The following SPIDR variants were observed in gnomAD, a reference collection of about 807,000 sequenced individuals.
SPIDR encodes DNA repair-scaffolding protein.
In SPIDR, 93 loss-of-function variants were observed where a neutral mutation model predicts 104.6. The observed-to-expected ratio is 0.89, with a 90% CI of 0.75 to 1.06. The LOEUF (loss-of-function observed/expected upper bound fraction) is 1.06, where lower values mean the gene tolerates loss of function less well. Among genes scored for constraint, SPIDR ranks in the 50% least tolerant of loss-of-function variants. SPIDR has a pLI of 0.00. For synonymous variants in SPIDR, 431 were observed against 416.9 expected (o/e 1.03, Z -0.41); for missense variants, 1,154 against 1,111.2 (o/e 1.04, Z -0.55).
intron 5 of SPIDR, among the ~76,000 whole-genome samples, chr8:47,321,046 C>T (rs1303012329): frequency 6.6e-6 from 1 of 152,172 alleles, no homozygotes; most frequent in Admixed American, 6.5e-5. Flanking sequence ...GACAGGGATG[C>T]CCTCTCTCAC....
At chr8:47,653,994 G>C in intron 10 of SPIDR, 1 of 1,273,568 alleles carries the variant, frequency 7.9e-7, no homozygotes, top group Admixed American at 2.3e-5. Flanking sequence ...TAGATGAGTG[G>C]GAGTGGCAAG....
At chr8:47,503,560 A>C (rs1053691272) in intron 8 of SPIDR, among the ~76,000 whole-genome samples, 7 of 152,204 alleles carry the variant, frequency 4.6e-5, no homozygotes, top group African/African-American at 1.7e-4. Context: ...TCCTCAATAC[A>C]GCACACTGAT....
intron 10 of SPIDR, among the ~76,000 whole-genome samples, chr8:47,662,377 C>G (rs1035852761): frequency 2.0e-5 from 3 of 152,170 alleles, no homozygotes; most frequent in African/African-American, 7.2e-5. Context: ...TATGTAAAGT[C>G]TTCCAGTTCT....
intron 8 of SPIDR, among the ~76,000 whole-genome samples, chr8:47,455,705 A>T (rs949920798): frequency 6.6e-6 from 1 of 152,220 alleles, no homozygotes; most frequent in African/African-American, 2.4e-5. Context: ...AGGGGTGACT[A>T]TATTATTATC....
intron 5 of SPIDR, among the ~76,000 whole-genome samples, chr8:47,385,522 A>G (rs1268181157): frequency 6.6e-6 from 1 of 152,232 alleles, no homozygotes; most frequent in Non-Finnish European, 1.5e-5. Flanking sequence ...AAAAGTATTT[A>G]CATTTTAAGT....
intron 4 of SPIDR, among the ~76,000 whole-genome samples, chr8:47,292,947 C>T (rs1391777609): frequency 2.0e-5 from 3 of 152,032 alleles, no homozygotes; most frequent in Non-Finnish European, 2.9e-5. Context: ...TCTGAGGGCA[C>T]TTGTGTTTTT....
chr8:47,488,269 C>A lies in SPIDR; in HGVS notation c.1097+47727C>A, dbSNP rs1308822367. Among the ~76,000 whole-genome samples the A allele has an allele frequency of 3.3e-5, 5 of 152,162 alleles. No homozygotes were observed. In the East Asian group the frequency reaches 9.6e-4, roughly 29 times the overall value. On this transcript the variant is annotated intron_variant, in intron 8 of 19. Coordinates refer to ENST00000297423, the MANE Select transcript of SPIDR (RefSeq NM_001080394.4). ...AAATCTAGAAGAAATGGATAAATTC[C>A]TGGACACATACACCCTTCCAAGACT... is the stretch of plus-strand genomic sequence containing the variant.
intron 7 of SPIDR, among the ~76,000 whole-genome samples, chr8:47,421,951 A>C (rs565203490): frequency 6.6e-6 from 1 of 152,184 alleles, no homozygotes; most frequent in African/African-American, 2.4e-5. Flanking sequence ...CAAATGTTGC[A>C]GCCTGATTGT....
At chr8:47,561,037 G>A (rs2057002745) in intron 8 of SPIDR, among the ~76,000 whole-genome samples, 1 of 152,188 alleles carries the variant, frequency 6.6e-6, no homozygotes. Context: ...CAAACTTGTG[G>A]TAATAATAGC....
intron 8 of SPIDR, among the ~76,000 whole-genome samples, chr8:47,512,737 G>T (rs1348969134): frequency 1.3e-5 from 2 of 152,212 alleles, no homozygotes; most frequent in Non-Finnish European, 2.9e-5. Flanking sequence ...GAAAAAAAGA[G>T]AGGAGGAAAA....
At chr8:47,531,048 C>T (rs920959417) in intron 8 of SPIDR, among the ~76,000 whole-genome samples, 1 of 152,074 alleles carries the variant, frequency 6.6e-6, no homozygotes, top group African/African-American at 2.4e-5. Flanking sequence ...GTAGTTAGGA[C>T]TCCAGGCATG....
At chr8:47,517,783 T>G (rs2083388354) in intron 8 of SPIDR, among the ~76,000 whole-genome samples, 1 of 152,230 alleles carries the variant, frequency 6.6e-6, no homozygotes, top group Non-Finnish European at 1.5e-5. Context: ...CGTATTTAAC[T>G]CTTTAATCCA....
chr8:47,383,185 C>T (rs2059520322), intron 5 of SPIDR, among the ~76,000 whole-genome samples: 1 of 152,216 alleles, frequency 6.6e-6, no homozygotes, highest in African/African-American at 2.4e-5. Flanking sequence ...AGCCTCCTGC[C>T]AGGTGCTCTG....
chr8:47,545,123 T>TTTCTTTCTTTCTTTCTTTC (rs2089103716), intron 8 of SPIDR, among the ~76,000 whole-genome samples: 1 of 133,956 alleles, frequency 7.5e-6, no homozygotes, highest in East Asian at 2.1e-4. Flanking sequence ...TTCTTTCTTT[T>TTTCTTTCTTTCTTTCTTTC]TTTTTTTTTT....
chr8:47,735,318 G>A lies in SPIDR; in HGVS notation c.2616G>A (p.Val872=). Residue 872 remains valine, a synonymous_variant, in exon 20 of 20, where the codon GTG becomes GTA. Coordinates refer to ENST00000297423, the MANE Select transcript of SPIDR (RefSeq NM_001080394.4). ...FAAGEDGSYE[V]KSVLGKEVGL... ...TTTTATCACTGCAGAGCTACGAAGT[G>A]AAGAGTGTCCTCGGAAAGGAAGTGG... 6.2e-7 allele frequency: 1 copy of A among 1,614,034 alleles called. No individual in the cohort carries two copies. The highest frequency in any genetic ancestry group is 2.2e-5 in the East Asian group (1 of 44,754).
chr8:47,527,941 GATTGAC>G (rs2085290306), intron 8 of SPIDR: 1 of 152,052 alleles, frequency 6.6e-6, no homozygotes, highest in African/African-American at 2.4e-5. Flanking sequence ...GGTGTGTCTT[GATTGAC>G]ATCTCATGGA....
chr8:47,537,310 C>T (rs1024991453), intron 8 of SPIDR, among the ~76,000 whole-genome samples: 4 of 152,108 alleles, frequency 2.6e-5, no homozygotes, highest in South Asian at 2.1e-4. Context: ...TGGAAGTAAC[C>T]GAGATGTCTC....
chr8:47,491,430 T>G (rs2078687926), intron 8 of SPIDR, among the ~76,000 whole-genome samples: 1 of 152,016 alleles, frequency 6.6e-6, no homozygotes, highest in African/African-American at 2.4e-5. Flanking sequence ...TTATCTGTGG[T>G]TCAGCAATAT....
intron 8 of SPIDR, among the ~76,000 whole-genome samples, chr8:47,551,821 T>A (rs1425460549): frequency 6.6e-6 from 1 of 152,160 alleles, no homozygotes; most frequent in Non-Finnish European, 1.5e-5. Flanking sequence ...AGCTTTTGAA[T>A]TTTTTTGCTC....
Sources: allele counts gnomAD v4.1 joint callset (sites outside exome capture counted in the v4.1 genomes callset), GRCh38; gene constraint gnomAD v4.1.1; transcripts MANE v1.5; gene names NCBI Gene and HGNC (gene_info 2026-07-23, HGNC 2026-07-21).